The following ADGRV1 variants were observed in gnomAD, a reference collection of about 807,000 sequenced individuals.
The protein encoded by ADGRV1 is adhesion G protein-coupled receptor V1.
In ADGRV1, 359 loss-of-function variants were observed where a neutral mutation model predicts 596.2. The ratio of observed to expected loss-of-function variants is 0.60; its 90% CI spans 0.55 to 0.66. ADGRV1 has a LOEUF of 0.66. Among genes scored for constraint, ADGRV1 ranks in the 30% least tolerant of loss-of-function variants. The pLI is 0.00. For synonymous variants in ADGRV1, 2,681 were observed against 2,679.2 expected (o/e 1.00, Z -0.02); for missense variants, 7,274 against 7,575.6 (o/e 0.96, Z 1.48).
At chr5:91,117,401 G>GAACAATA (rs1193836043) in intron 87 of ADGRV1, among the ~76,000 whole-genome samples, 1 of 151,978 alleles carries the variant, frequency 6.6e-6, no homozygotes, top group Non-Finnish European at 1.5e-5. Flanking sequence ...ATCAGAACAA[G>GAACAATA]AACAATAATA....
intron 86 of ADGRV1, among the ~76,000 whole-genome samples, chr5:91,086,975 T>G (rs1789931674): frequency 6.6e-6 from 1 of 152,218 alleles, no homozygotes; most frequent in Non-Finnish European, 1.5e-5. Context: ...CTCACCTTCA[T>G]GGGAACCTTT....
intron 83 of ADGRV1, among the ~76,000 whole-genome samples, chr5:90,876,231 C>T (rs1350418128): frequency 1.3e-5 from 2 of 152,094 alleles, no homozygotes; most frequent in Non-Finnish European, 2.9e-5. Flanking sequence ...TCCTAATCCT[C>T]CTCTCAGAAA....
In ADGRV1 at chr5:90,725,108, A is replaced by G. The variant is rs761638736; in HGVS notation, c.9929A>G (p.Lys3310Arg). ...PVEDLNIENP[K>R]TCEAFNIGFS... ...TAGGATTTAAATATAGAAAATCCTA[A>G]AACTTGTGAGGCCTTTAATATTGGT... Residue 3310 changes from lysine to arginine, a missense_variant, in exon 47 of 90, where the codon AAA becomes AGA. Lys to Arg is a conservative substitution (Grantham distance 26). Coordinates refer to ENST00000405460, the MANE Select transcript of ADGRV1 (RefSeq NM_032119.4). 4 of 1,539,278 alleles carry G rather than the reference A, an allele frequency of 2.6e-6. No homozygotes were observed. Among genetic ancestry groups the G allele is most frequent in the Non-Finnish European group, 3.5e-6 (4 of 1,135,304 alleles).
Position 91,100,229 on chromosome 5 carries a change from C to T in ADGRV1, c.18311-1990C>T, listed in dbSNP as rs577222247. ...TTGAGCCCGGAAGTTCAAGACCAGC[C>T]GGGGCAACATGGCGAAACCCCATCT... On this transcript the variant is annotated intron_variant, in intron 86 of 89. Coordinates refer to ENST00000405460, the MANE Select transcript of ADGRV1 (RefSeq NM_032119.4). 7.2e-5 allele frequency among the ~76,000 whole-genome samples: 11 copies of T among 152,200 alleles called. No individual in the cohort carries two copies. In the East Asian group the frequency reaches 1.5e-3, roughly 21 times the overall value.
intron 85 of ADGRV1, among the ~76,000 whole-genome samples, chr5:90,993,841 A>C (rs964504551): frequency 4.0e-5 from 6 of 151,602 alleles, no homozygotes; most frequent in African/African-American, 1.5e-4. Flanking sequence ...CTCTCCTCTG[A>C]GTCTTTTATT....
At chr5:90,582,109 GTT>G (rs71614756) in intron 1 of ADGRV1, among the ~76,000 whole-genome samples, 5 of 127,952 alleles carry the variant, frequency 3.9e-5, no homozygotes, top group Admixed American at 7.8e-5. Context: ...CCAAGCATGT[GTT>G]TTTTTTTTTT....
At chr5:90,863,916 G>A (rs951564428) in intron 83 of ADGRV1, 59 bp downstream of exon 83, 4 of 1,100,214 alleles carry the variant, frequency 3.6e-6, no homozygotes, top group Non-Finnish European at 5.5e-6. Context: ...TTCTTCTTTG[G>A]TTCTTGAACT....
At chr5:90,755,666 G>A (rs914065523) in intron 55 of ADGRV1, among the ~76,000 whole-genome samples, 2 of 151,502 alleles carry the variant, frequency 1.3e-5, no homozygotes, top group Admixed American at 1.3e-4. Context: ...TGTATGGAGA[G>A]AGAGAGAAGA....
At chr5:91,144,601 C>T (rs1417869896) in intron 87 of ADGRV1, among the ~76,000 whole-genome samples, 3 of 152,148 alleles carry the variant, frequency 2.0e-5, no homozygotes, top group Admixed American at 2.0e-4. Context: ...CCACCACGCC[C>T]AATCTAACAA....
intron 42 of ADGRV1, among the ~76,000 whole-genome samples, chr5:90,714,235 T>C (rs1277122086): frequency 6.6e-6 from 1 of 152,036 alleles, no homozygotes; most frequent in African/African-American, 2.4e-5. Flanking sequence ...GTGCATTTTT[T>C]CTTTCATTTT....
At chr5:90,710,770 T>C (rs557705745) in intron 39 of ADGRV1, among the ~76,000 whole-genome samples, 1 of 152,326 alleles carries the variant, frequency 6.6e-6, no homozygotes, top group South Asian at 2.1e-4. Flanking sequence ...ATTAAATTTC[T>C]ATAAATCAGT....
At chr5:91,104,871 T>C (rs1408539176) in intron 87 of ADGRV1, among the ~76,000 whole-genome samples, 1 of 148,588 alleles carries the variant, frequency 6.7e-6, no homozygotes, top group East Asian at 1.9e-4. Context: ...TTTTTTTTTT[T>C]TTTTTTGAGA....
intron 1 of ADGRV1, 82 bp downstream of exon 1, chr5:90,558,999 G>A (rs1754437970): frequency 2.3e-6 from 3 of 1,304,584 alleles, no homozygotes; most frequent in African/African-American, 1.5e-5. Context: ...GTTGCTGCAG[G>A]TGGGCGGCGA....
Position 90,776,542 on chromosome 5 carries a change from C to T in ADGRV1, c.12493C>T (p.Pro4165Ser). The T allele has an allele frequency of 6.2e-7, 1 of 1,613,308 alleles. No individual in the cohort carries two copies. The highest frequency in any genetic ancestry group is 1.1e-5 in the South Asian group (1 of 91,074). Residue 4165 changes from proline to serine, a missense_variant, in exon 61 of 90, where the codon CCC becomes TCC. Physicochemically the swap from Pro to Ser is moderately conservative, Grantham distance 74 (BLOSUM62 -1). Coordinates refer to ENST00000405460, the MANE Select transcript of ADGRV1 (RefSeq NM_032119.4). Reference protein sequence around the residue: ...PSSRHILIGEPSAKYNGTAII... With the variant: ...PSSRHILIGESSAKYNGTAII... ...ATCTAGGCACATCCTCATTGGGGAA[C>T]CCTCAGCAAAATATAATGGTACCGC...
chr5:90,713,193 A>G (rs573085279), intron 42 of ADGRV1, among the ~76,000 whole-genome samples: 122 of 152,224 alleles, frequency 8.0e-4, no homozygotes, highest in African/African-American at 2.9e-3. Context: ...AGTTTGATGA[A>G]TATTTGCATT....
chr5:91,067,583 C>T (rs191619050), intron 85 of ADGRV1, among the ~76,000 whole-genome samples: 1 of 152,326 alleles, frequency 6.6e-6, no homozygotes, highest in East Asian at 1.9e-4. Flanking sequence ...GATGTGTCAT[C>T]AGCTGGAGGT....
chr5:90,920,149 C>A (rs1406856807), intron 83 of ADGRV1, among the ~76,000 whole-genome samples: 3 of 152,092 alleles, frequency 2.0e-5, no homozygotes, highest in African/African-American at 7.2e-5. Flanking sequence ...CTGGGAAGTT[C>A]TAAATCAAAG....
At chr5:90,823,829 C>T (rs2247131) in intron 76 of ADGRV1, among the ~76,000 whole-genome samples, 5 of 152,042 alleles carry the variant, frequency 3.3e-5, no homozygotes, top group African/African-American at 4.8e-5. Flanking sequence ...TCTTGCCATT[C>T]TAAAATAACA....
intron 83 of ADGRV1, among the ~76,000 whole-genome samples, chr5:90,947,558 C>T (rs142226448): frequency 1.1e-3 from 168 of 151,872 alleles, no homozygotes; most frequent in African/African-American, 3.6e-3. Flanking sequence ...GAAGTTGAAA[C>T]GAAAATACAG....
Sources: allele counts gnomAD v4.1 joint callset (sites outside exome capture counted in the v4.1 genomes callset), GRCh38; gene constraint gnomAD v4.1.1; transcripts MANE v1.5; gene names NCBI Gene and HGNC (gene_info 2026-07-23, HGNC 2026-07-21).